NNT: variants seen among roughly 807,000 people sequenced by gnomAD.
NNT encodes NAD(P) transhydrogenase, mitochondrial.
A neutral mutation model predicts 104.8 loss-of-function variants in NNT; 50 were observed. That is an observed-to-expected ratio of 0.48 (90% CI 0.38 to 0.60). The LOEUF (loss-of-function observed/expected upper bound fraction) is 0.60. NNT is among the 20% of genes least tolerant of loss of function. The pLI, the probability that NNT is intolerant of heterozygous loss-of-function variation, is 0.00. For missense variants in NNT, 1,131 were observed against 1,330.7 expected (o/e 0.85, Z 2.33); for synonymous variants, 461 against 490.4 (o/e 0.94, Z 0.79).
At position 43,655,871 on chromosome 5, in the gene NNT, T is replaced by C; in HGVS notation, c.2091T>C (p.Ser697=). The part of the protein sequence containing the change: ...GLTIAKRIQI[S]DLPQLVAAFH... ...CAATTGCCAAACGCATCCAGATTTC[T>C]GATTTACCTCAATTAGTTGCTGCTT... Residue 697 remains serine, a synonymous_variant, in exon 15 of 22, where the codon TCT becomes TCC. Coordinates refer to ENST00000344920, the MANE Select transcript of NNT (RefSeq NM_182977.3). The C allele has an allele frequency of 6.2e-7, 1 of 1,614,256 alleles. No individual in the cohort carries two copies. Among genetic ancestry groups the C allele is most frequent in the Non-Finnish European group, 8.5e-7 (1 of 1,180,040 alleles).
chr5:43,612,652 C>A (rs1415299014), intron 2 of NNT, among the ~76,000 whole-genome samples: 1 of 151,852 alleles, frequency 6.6e-6, no homozygotes, highest in African/African-American at 2.4e-5. Flanking sequence ...TTGTTATATT[C>A]CTTGAAGAAA....
chr5:43,649,044 A>C, intron 10 of NNT, 103 bp from the exon 11 acceptor site: 1 of 1,312,670 alleles, frequency 7.6e-7, no homozygotes, highest in South Asian at 1.4e-5. Context: ...AAGGGAGTGG[A>C]ATTTAAAAGC....
chr5:43,650,340 G>A, intron 11 of NNT, 137 bp from the exon 12 acceptor site: 1 of 557,950 alleles, frequency 1.8e-6, no homozygotes, highest in Non-Finnish European at 3.2e-6. Flanking sequence ...TTTAATGAGG[G>A]TGTAAGAAAG....
At chr5:43,615,816 A>G (rs767192023) in intron 3 of NNT, 32 bp from the exon 4 acceptor site, 2 of 1,498,952 alleles carry the variant, frequency 1.3e-6, no homozygotes, top group Non-Finnish European at 1.8e-6. Flanking sequence ...AAGTATTTAT[A>G]TTTATAATCT....
At chr5:43,615,385 G>A (rs1369091517) in intron 3 of NNT, among the ~76,000 whole-genome samples, 2 of 152,192 alleles carry the variant, frequency 1.3e-5, no homozygotes, top group Non-Finnish European at 2.9e-5. Flanking sequence ...AGTTTATGAT[G>A]TTCTTAATGT....
chr5:43,649,257 G>A lies in NNT; in HGVS notation c.1555G>A (p.Val519Met). Residue 519 changes from valine to methionine, a missense_variant, in exon 11 of 22, where the codon GTG becomes ATG. By Grantham distance (21) the Val-to-Met change is conservative. Transcript: ENST00000344920. The stretch of plus-strand genomic sequence containing the variant: ...TGTGGGGTATCATACCGTCTGGGGA[G>A]TGACCCCTGCTCTCCACTCACCACT... Reference protein sequence around the residue: ...GIVGYHTVWGVTPALHSPLMS... With the variant: ...GIVGYHTVWGMTPALHSPLMS... 1 of 1,614,186 alleles carries A rather than the reference G, an allele frequency of 6.2e-7. No individual in the cohort carries two copies. The highest frequency in any genetic ancestry group is 8.5e-7 in the Non-Finnish European group (1 of 1,180,018).
intron 19 of NNT, among the ~76,000 whole-genome samples, chr5:43,687,741 G>C (rs1356988082): frequency 1.3e-5 from 2 of 152,162 alleles, no homozygotes; most frequent in East Asian, 3.8e-4. Context: ...TGATGGTTAT[G>C]TTGGTAATTA....
chr5:43,655,891 C>G lies in NNT; in HGVS notation c.2111C>G (p.Ala704Gly). 6.2e-7 allele frequency: 1 copy of G among 1,614,212 alleles called. No individual in the cohort carries two copies. The highest frequency in any genetic ancestry group is 8.5e-7 in the Non-Finnish European group (1 of 1,180,030). ...ATTTCTGATTTACCTCAATTAGTTG[C>G]TGCTTTTCACAGTTTAGTGGGTTTG... ...IQISDLPQLV[A>G]AFHSLVGLAA... The change falls in exon 15 of 22, where the codon GCT (alanine) becomes GGT (glycine). Residue 704 changes from alanine to glycine, a missense_variant. Ala to Gly is a moderately conservative substitution (Grantham distance 60). Coordinates refer to ENST00000344920, the MANE Select transcript of NNT (RefSeq NM_182977.3).
chr5:43,662,349 A>G (rs1740414956), intron 17 of NNT, among the ~76,000 whole-genome samples: 1 of 152,126 alleles, frequency 6.6e-6, no homozygotes, highest in African/African-American at 2.4e-5. Context: ...GTGTTCTGCA[A>G]TTATATCATC....
intron 7 of NNT, among the ~76,000 whole-genome samples, chr5:43,630,579 G>T (rs1486107344): frequency 6.6e-6 from 1 of 152,126 alleles, no homozygotes; most frequent in Admixed American, 6.5e-5. Context: ...TTGATGGTAG[G>T]AATTACTTTC....
chr5:43,642,134 T>C (rs1231095930), intron 7 of NNT, among the ~76,000 whole-genome samples: 1 of 152,018 alleles, frequency 6.6e-6, no homozygotes, highest in Non-Finnish European at 1.5e-5. Context: ...TTGGCCAAAG[T>C]TGGGTACAAA....
At chr5:43,668,504 C>A (rs1227893334) in intron 17 of NNT, among the ~76,000 whole-genome samples, 1 of 152,174 alleles carries the variant, frequency 6.6e-6, no homozygotes, top group Non-Finnish European at 1.5e-5. Flanking sequence ...ATATGTCTAG[C>A]CAGTTTTCCC....
intron 19 of NNT, among the ~76,000 whole-genome samples, chr5:43,688,619 C>G (rs1198952549): frequency 1.3e-5 from 2 of 151,946 alleles, no homozygotes; most frequent in Non-Finnish European, 2.9e-5. Flanking sequence ...GCCTTTGTGC[C>G]CTGATAGCTT....
chr5:43,672,803 T>C (rs1367591651), intron 17 of NNT, among the ~76,000 whole-genome samples: 2 of 152,214 alleles, frequency 1.3e-5, no homozygotes, highest in Admixed American at 1.3e-4. Flanking sequence ...CACTACTCTC[T>C]TCAAAGCTGT....
intron 7 of NNT, among the ~76,000 whole-genome samples, chr5:43,632,138 G>A (rs1177304850): frequency 6.6e-6 from 1 of 152,162 alleles, no homozygotes; most frequent in Non-Finnish European, 1.5e-5. Flanking sequence ...ATGCCCTTTG[G>A]AAAACAATAT....
chr5:43,610,682 G>A (rs565862014), intron 2 of NNT, among the ~76,000 whole-genome samples: 1 of 152,124 alleles, frequency 6.6e-6, no homozygotes, highest in South Asian at 2.1e-4. Flanking sequence ...CAGATGACAA[G>A]TCACAATTGG....
chr5:43,698,041 A>C (rs1742646621), intron 19 of NNT, among the ~76,000 whole-genome samples: 1 of 151,970 alleles, frequency 6.6e-6, no homozygotes, highest in Non-Finnish European at 1.5e-5. Flanking sequence ...ACAACTATAG[A>C]CCTTGGAAAA....
Position 43,704,659 on chromosome 5 carries a change from A to T in NNT, c.*255A>T, listed in dbSNP as rs1202902062. The stretch of plus-strand genomic sequence containing the variant: ...TGTTAGGAATCAAAAGTATTTTATA[A>T]AAGGAGAAAGAACAGCCTCATTTTA... On this transcript the variant is annotated 3_prime_UTR_variant, in exon 22 of 22. Transcript: ENST00000344920. 5 of 367,126 alleles carry T rather than the reference A, an allele frequency of 1.4e-5. No homozygotes were observed. Among genetic ancestry groups the T allele is most frequent in the Non-Finnish European group, 4.9e-6 (1 of 203,424 alleles). 22.7% of individuals were successfully genotyped at this position (367,126 alleles called of 1,614,324 possible).
intron 1 of NNT, among the ~76,000 whole-genome samples, chr5:43,606,124 A>T (rs955870327): frequency 6.6e-6 from 1 of 152,164 alleles, no homozygotes; most frequent in African/African-American, 2.4e-5. Flanking sequence ...TGAGTGGCAG[A>T]TTTGGACAAT....
Sources: allele counts gnomAD v4.1 joint callset (sites outside exome capture counted in the v4.1 genomes callset), GRCh38; gene constraint gnomAD v4.1.1; transcripts MANE v1.5; gene names NCBI Gene and HGNC (gene_info 2026-07-23, HGNC 2026-07-21).